CTNND2: variants seen among roughly 807,000 people sequenced by gnomAD.
The protein encoded by CTNND2 is catenin delta 2, also known as catenin delta-2.
Under a neutral mutation model 144.4 loss-of-function variants are expected in CTNND2, and 22 were observed. That is an observed-to-expected ratio of 0.15 (90% CI 0.11 to 0.22). CTNND2 has a LOEUF of 0.22. Among genes scored for constraint, CTNND2 ranks in the 10% least tolerant of loss-of-function variants. The probability of loss-of-function intolerance (pLI) is 1.00; values close to 1 mark genes in which losing one functional copy is unlikely to be tolerated. For synonymous variants in CTNND2, 751 were observed against 695.6 expected (o/e 1.08, Z -1.25); for missense variants, 1,353 against 1,618.8 (o/e 0.84, Z 2.82).
At chr5:11,831,388 G>T (rs889882279) in intron 1 of CTNND2, among the ~76,000 whole-genome samples, 4 of 152,098 alleles carry the variant, frequency 2.6e-5, no homozygotes, top group Non-Finnish European at 5.9e-5. Context: ...AAAAAGAGTT[G>T]CCAGGCGTGG....
chr5:11,474,631 G>A (rs1190456465), intron 3 of CTNND2, among the ~76,000 whole-genome samples: 1 of 152,196 alleles, frequency 6.6e-6, no homozygotes, highest in African/African-American at 2.4e-5. Context: ...CTTAGGGATA[G>A]CAACAGCCAT....
chr5:11,211,059 G>C (rs193254849), intron 10 of CTNND2, among the ~76,000 whole-genome samples: 97 of 152,324 alleles, frequency 6.4e-4, no homozygotes, highest in African/African-American at 2.2e-3. Context: ...AAACGGACAA[G>C]TTTTAGGTCC....
At chr5:11,730,286 T>A (rs1438736994) in intron 2 of CTNND2, among the ~76,000 whole-genome samples, 1 of 152,222 alleles carries the variant, frequency 6.6e-6, no homozygotes, top group African/African-American at 2.4e-5. Flanking sequence ...ATGGTTTTAT[T>A]TTTACAGTTA....
chr5:11,404,602 CTTTTTTTTTTT>C (rs555388304), intron 5 of CTNND2, among the ~76,000 whole-genome samples: 175 of 57,386 alleles, frequency 3.0e-3, no homozygotes, highest in Non-Finnish European at 4.1e-3. Flanking sequence ...TATCTGTATT[CTTTTTTTTTTT>C]TTTTTTTTTT....
intron 1 of CTNND2, among the ~76,000 whole-genome samples, chr5:11,815,117 G>C (rs1792554035): frequency 6.6e-6 from 1 of 151,968 alleles, no homozygotes; most frequent in Non-Finnish European, 1.5e-5. Flanking sequence ...TTCATTAAGA[G>C]ACAACAGATA....
intron 18 of CTNND2, among the ~76,000 whole-genome samples, chr5:11,015,786 G>A (rs1741540798): frequency 6.6e-6 from 1 of 152,168 alleles, no homozygotes; most frequent in South Asian, 2.1e-4. Flanking sequence ...ATTCAGAATG[G>A]CCAGTTCCTT....
chr5:11,753,649 C>T (rs922446722), intron 1 of CTNND2, among the ~76,000 whole-genome samples: 1 of 151,772 alleles, frequency 6.6e-6, no homozygotes, highest in South Asian at 2.1e-4. Context: ...TGTTGTGTCT[C>T]TACCAGGTTT....
intron 3 of CTNND2, among the ~76,000 whole-genome samples, chr5:11,530,691 A>C (rs1773673877): frequency 6.6e-6 from 1 of 152,360 alleles, no homozygotes; most frequent in Non-Finnish European, 1.5e-5. Flanking sequence ...TAAGAGGGGC[A>C]GAGCCTTAAC....
intron 1 of CTNND2, among the ~76,000 whole-genome samples, chr5:11,836,866 G>C (rs1381659889): frequency 1.3e-5 from 2 of 152,232 alleles, no homozygotes; most frequent in East Asian, 3.9e-4. Context: ...ATTTCAGGGG[G>C]ATGGGATGAA....
intron 1 of CTNND2, among the ~76,000 whole-genome samples, chr5:11,832,013 GT>G (rs1292215315): frequency 2.0e-5 from 3 of 152,298 alleles, no homozygotes; most frequent in African/African-American, 7.2e-5. Flanking sequence ...GCCGGGCACA[GT>G]GGCTTATGCC....
At chr5:11,779,281 T>C (rs1171388710) in intron 1 of CTNND2, among the ~76,000 whole-genome samples, 1 of 152,236 alleles carries the variant, frequency 6.6e-6, no homozygotes, top group Non-Finnish European at 1.5e-5. Context: ...ACTATTTTTG[T>C]CTTCTCACTC....
At chr5:11,251,441 C>G (rs1229113605) in intron 9 of CTNND2, among the ~76,000 whole-genome samples, 5 of 152,170 alleles carry the variant, frequency 3.3e-5, no homozygotes, top group African/African-American at 1.2e-4. Flanking sequence ...CTCTGAAAAT[C>G]CTGGTATGCA....
chr5:11,268,685 A>T (rs988705314), intron 9 of CTNND2, among the ~76,000 whole-genome samples: 1 of 152,200 alleles, frequency 6.6e-6, no homozygotes, highest in Non-Finnish European at 1.5e-5. Context: ...GTAATGGATT[A>T]AAAAATGATG....
chr5:11,046,951 C>T (rs1410450800), intron 16 of CTNND2, among the ~76,000 whole-genome samples: 1 of 152,220 alleles, frequency 6.6e-6, no homozygotes. Context: ...TCTAGAAAGT[C>T]CTTGACAGCC....
At chr5:11,165,957 G>A (rs1464099328) in intron 11 of CTNND2, among the ~76,000 whole-genome samples, 4 of 152,184 alleles carry the variant, frequency 2.6e-5, no homozygotes, top group African/African-American at 4.8e-5. Flanking sequence ...ACTGCCTGGT[G>A]GCTATGCAGG....
intron 16 of CTNND2, among the ~76,000 whole-genome samples, chr5:11,026,796 G>A: frequency 6.6e-6 from 1 of 152,310 alleles, no homozygotes; most frequent in East Asian, 1.9e-4. Flanking sequence ...GGTCATGGGA[G>A]GATCAAGGAC....
chr5:11,090,263 A>G (rs1750629103), intron 15 of CTNND2, among the ~76,000 whole-genome samples: 1 of 152,232 alleles, frequency 6.6e-6, no homozygotes, highest in African/African-American at 2.4e-5. Context: ...TTCCTCTGTG[A>G]AGTTGACTGC....
At position 11,111,484 on chromosome 5, in the gene CTNND2, T is replaced by G. The variant is rs537671603; in HGVS notation, c.2278-441A>C. Among the ~76,000 whole-genome samples the G allele has an allele frequency of 2.6e-5, 4 of 152,256 alleles. No individual in the cohort carries two copies. In the East Asian group the frequency reaches 7.7e-4, roughly 29 times the overall value. ...GCATATTTACTGCCCACCGGAGCAT[T>G]TTCCGAGTGTCAAGGAGGCTACAGG... On this transcript the variant is annotated intron_variant, in intron 13 of 21. Transcript: ENST00000304623.
At chr5:11,532,878 T>C (rs908627034) in intron 3 of CTNND2, among the ~76,000 whole-genome samples, 1 of 152,136 alleles carries the variant, frequency 6.6e-6, no homozygotes, top group Non-Finnish European at 1.5e-5. Flanking sequence ...GTTTCTCCAA[T>C]GACAGGAGAA....
Sources: allele counts gnomAD v4.1 joint callset (sites outside exome capture counted in the v4.1 genomes callset), GRCh38; gene constraint gnomAD v4.1.1; transcripts MANE v1.5; gene names NCBI Gene and HGNC (gene_info 2026-07-23, HGNC 2026-07-21).